The following CA12 variants were observed in gnomAD, a reference collection of about 807,000 sequenced individuals.
CA12 encodes the protein carbonic anhydrase 12.
Under a neutral mutation model 46.8 loss-of-function variants are expected in CA12, and 36 were observed. That is an observed-to-expected ratio of 0.77 (90% CI 0.59 to 1.02). CA12 has a LOEUF of 1.02. CA12 is among the 50% of genes least tolerant of loss of function. CA12 has a pLI of 0.00. For synonymous variants in CA12, 202 were observed against 187.0 expected, an observed-to-expected ratio of 1.08 and a Z score of -0.65; for missense variants, 436 against 451.4, an observed-to-expected ratio of 0.97 and a Z score of 0.31.
At position 63,338,868 on chromosome 15, in the gene CA12, C is replaced by G; in HGVS notation, c.825G>C (p.Arg275=). 1 of 1,614,198 alleles carries G rather than the reference C, an allele frequency of 6.2e-7. No individual in the cohort carries two copies. Residue 275 remains arginine (R), a synonymous_variant, in exon 8 of 11, where the codon CGG becomes CGC. Transcript: ENST00000178638. The stretch of plus-strand genomic sequence containing the variant: ...GCCTCTCATCGAACTTCTGGACCTG[C>G]CGGAAGTTGTTGATCATTTCTCTGG... ...PSPREMINNF[R]QVQKFDERLV...
rs1220127213 is a variant in CA12 at position 63,325,076 on chromosome 15, T to C, written c.*1209A>G. ...AAGAATATGGAGTATCTTAGTAGCA[T>C]TCCATTATTACTTGCCCCTAAATAC... is the stretch of plus-strand genomic sequence containing the variant. On this transcript the variant is annotated 3_prime_UTR_variant, in exon 11 of 11. Transcript: ENST00000178638. This position sits in a 1 kb window ranked among gnomAD's most constrained non-coding sequence, Gnocchi z 4.9. 1 of 152,178 alleles carries C rather than the reference T, an allele frequency of 6.6e-6. No individual in the cohort carries two copies. The highest frequency in any genetic ancestry group is 1.5e-5 in the Non-Finnish European group (1 of 68,044). The allele number at this position is 152,178 out of a possible 1,614,324, so 9.4% of individuals were successfully genotyped here.
intron 8 of CA12, among the ~76,000 whole-genome samples, chr15:63,336,371 G>A (rs1440007508): frequency 6.6e-6 from 1 of 152,074 alleles, no homozygotes. Flanking sequence ...ACAAGCGGGG[G>A]TTACTTTTGG....
At chr15:63,364,332 GAAAAAAAAAA>G (rs34673043) in intron 2 of CA12, among the ~76,000 whole-genome samples, 5 of 56,138 alleles carry the variant, frequency 8.9e-5, no homozygotes, top group South Asian at 1.1e-3. Context: ...CCCGTCACTA[GAAAAAAAAAA>G]AAAAAAAAAA....
chr15:63,379,804 C>G (rs1182390488), intron 1 of CA12, among the ~76,000 whole-genome samples: 1 of 152,220 alleles, frequency 6.6e-6, no homozygotes, highest in Non-Finnish European at 1.5e-5. Flanking sequence ...GCTCTCCACA[C>G]CAGGTTTGGG....
At position 63,323,857 on chromosome 15, in the gene CA12, A is replaced by G. The variant is rs1360036531; in HGVS notation, c.*2428T>C. 1 of 152,262 alleles carries G rather than the reference A, an allele frequency of 6.6e-6. No homozygotes were observed. The highest frequency in any genetic ancestry group is 1.5e-5 in the Non-Finnish European group (1 of 68,048). The allele number at this position is 152,262 out of a possible 1,614,324, so 9.4% of individuals were successfully genotyped here. A position where few individuals can be genotyped will look rare whatever the true frequency, so the allele number is the denominator to read the frequency against. On this transcript the variant is annotated 3_prime_UTR_variant, in exon 11 of 11. Transcript: ENST00000178638. This position sits in a 1 kb window ranked among gnomAD's most constrained non-coding sequence, Gnocchi z 5.1. Reference sequence around the variant, plus strand: ...ATGATACTAACTAAACAAACAGAACAAAGAAAGAGATTCAAGATCTCACAT... The same window carrying G: ...ATGATACTAACTAAACAAACAGAACGAAGAAAGAGATTCAAGATCTCACAT...
At chr15:63,376,566 C>CT (rs780641458) in intron 1 of CA12, among the ~76,000 whole-genome samples, 73 of 108,710 alleles carry the variant, frequency 6.7e-4, no homozygotes, top group Admixed American at 3.8e-3. Context: ...TCCTTTCTTT[C>CT]TTTCTTTCTT....
Position 63,339,036 on chromosome 15 carries a change from G to T in CA12, c.748-91C>A. On this transcript the variant is annotated intron_variant, in intron 7 of 10. Transcript: ENST00000178638. The surrounding 1 kb of genome is among the most constrained non-coding windows in gnomAD (Gnocchi z 4.3). ...GCTAGCTCTCCGCTCTTGCACCTGGGAGAAGCCTCTGGAACCAGCTTCTGT... is the reference window on the plus strand; with the variant it reads ...GCTAGCTCTCCGCTCTTGCACCTGGTAGAAGCCTCTGGAACCAGCTTCTGT... The T allele has an allele frequency of 3.9e-6, 6 of 1,536,530 alleles. No individual in the cohort carries two copies. Among genetic ancestry groups the T allele is most frequent in the Non-Finnish European group, 4.4e-6 (5 of 1,125,916 alleles).
chr15:63,355,705 T>C lies in CA12; in HGVS notation c.107-8996A>G, dbSNP rs2039286341. Among the ~76,000 whole-genome samples the C allele has an allele frequency of 6.6e-6, 1 of 152,118 alleles. No homozygotes were observed. The highest frequency in any genetic ancestry group is 2.4e-5 in the African/African-American group (1 of 41,350). ...TAAGTTAAACAAACTGCTGACATGC[T>C]AACAACCTAACCCCTATCATGAAAA... On this transcript the variant is annotated intron_variant, in intron 2 of 10. Coordinates refer to ENST00000178638, the MANE Select transcript of CA12 (RefSeq NM_001218.5). The surrounding 1 kb of genome is among the most constrained non-coding windows in gnomAD (Gnocchi z 4.1).
Position 63,345,566 on chromosome 15 carries a change from T to C in CA12, c.340A>G (p.Ser114Gly), listed in dbSNP as rs1370715336. Residue 114 changes from serine to glycine, a missense_variant, in exon 4 of 11, where the codon AGT becomes GGT. Ser to Gly is a moderately conservative substitution (Grantham distance 56). Coordinates refer to ENST00000178638, the MANE Select transcript of CA12 (RefSeq NM_001218.5). The surrounding 1 kb of genome is among the most constrained non-coding windows in gnomAD (Gnocchi z 4.3). ...CAGTGCAGGTGCAGCTGCGTGGCAC[T>C]GTAGCGAGACTGGAGGCCCTGGATG... ...MHIQGLQSRY[S>G]ATQLHLHWGN... The C allele has an allele frequency of 1.9e-6, 3 of 1,613,464 alleles. No individual in the cohort carries two copies. The African/African-American group carries it at 4.0e-5, about 22-fold the overall frequency.
Position 63,325,234 on chromosome 15 carries a change from C to T in CA12, c.*1051G>A, listed in dbSNP as rs1489100254. 3 of 152,148 alleles carry T rather than the reference C, an allele frequency of 2.0e-5. No individual in the cohort carries two copies. The allele number at this position is 152,148 out of a possible 1,614,324, so 9.4% of individuals were successfully genotyped here. A position where few individuals can be genotyped will look rare whatever the true frequency, so the allele number is the denominator to read the frequency against. On this transcript the variant is annotated 3_prime_UTR_variant, in exon 11 of 11. Transcript: ENST00000178638. This position sits in a 1 kb window ranked among gnomAD's most constrained non-coding sequence, Gnocchi z 4.9. The stretch of plus-strand genomic sequence containing the variant: ...TCCATTCCAGGTTGGCAGTAGGGAT[C>T]CTGCAGAAGTGGCTGAAATGAAATT...
In CA12 at chr15:63,381,713, C is replaced by CG. The variant is rs1406678192; in HGVS notation, c.7dup (p.Arg3ProfsTer36). ...CACGGCCGCCGCGTGCAGGCTGCGCCGGGGCATCTTCGCGGGCTCCTGCGG... is the reference window on the plus strand; with the variant it reads ...CACGGCCGCCGCGTGCAGGCTGCGCCGGGGGCATCTTCGCGGGCTCCTGCGG... On this transcript the variant is annotated frameshift_variant, in exon 1 of 11. Coordinates refer to ENST00000178638, the MANE Select transcript of CA12 (RefSeq NM_001218.5). LOFTEE classifies it high-confidence loss of function. The CG allele has an allele frequency of 9.4e-6, 15 of 1,602,518 alleles. No individual in the cohort carries two copies. The highest frequency in any genetic ancestry group is 1.3e-5 in the Non-Finnish European group (15 of 1,174,704).
intron 4 of CA12, among the ~76,000 whole-genome samples, chr15:63,342,761 A>C (rs2039098494): frequency 6.6e-6 from 1 of 152,090 alleles, no homozygotes; most frequent in Non-Finnish European, 1.5e-5. Context: ...CTTAGAATTT[A>C]TTTTTGGTTT....
At chr15:63,350,924 T>C (rs925452115) in intron 2 of CA12, among the ~76,000 whole-genome samples, 6 of 152,306 alleles carry the variant, frequency 3.9e-5, no homozygotes, top group Middle Eastern at 3.4e-3. Flanking sequence ...TCTGTATATA[T>C]TTCATATGTT....
Position 63,330,374 on chromosome 15 carries a change from C to T in CA12, c.875-2244G>A, listed in dbSNP as rs748558364. ...TCTTAAAAAAACAAACATAATAAAC[C>T]TAGCCATGGTTTTTCTTCCCAACCC... On this transcript the variant is annotated intron_variant, in intron 8 of 10. Transcript: ENST00000178638. This position sits in a 1 kb window ranked among gnomAD's most constrained non-coding sequence, Gnocchi z 4.0. Among the ~76,000 whole-genome samples, 2 of 152,218 alleles carry T rather than the reference C, an allele frequency of 1.3e-5. No individual in the cohort carries two copies. The highest frequency in any genetic ancestry group is 2.4e-5 in the African/African-American group (1 of 41,458).
chr15:63,326,458 A>T, intron 10 of CA12, 101 bp from the exon 11 acceptor site: 2 of 912,166 alleles, frequency 2.2e-6, no homozygotes, highest in Non-Finnish European at 3.6e-6. Context: ...TAAAAGTTGG[A>T]TTCCTCTCTT....
In CA12 at chr15:63,322,552, AG is replaced by A. The variant is rs1045597301; in HGVS notation, c.*3732del. 1.3e-5 allele frequency: 2 copies of A among 152,160 alleles called. No homozygotes were observed. The highest frequency in any genetic ancestry group is 4.8e-5 in the African/African-American group (2 of 41,422). 9.4% of individuals were successfully genotyped at this position (152,160 alleles called of 1,614,324 possible). Reference sequence around the variant, plus strand: ...GATGAGGTGATGGCCATCCTAAAGGAGGGCCTGAGTTCCCTCTGCCGACCTA... The same window carrying A: ...GATGAGGTGATGGCCATCCTAAAGGAGGCCTGAGTTCCCTCTGCCGACCTA... On this transcript the variant is annotated 3_prime_UTR_variant, in exon 11 of 11. Transcript: ENST00000178638. This position sits in a 1 kb window ranked among gnomAD's most constrained non-coding sequence, Gnocchi z 4.1.
chr15:63,340,306 C>T lies in CA12; in HGVS notation c.729G>A (p.Val243=), dbSNP rs369662487. 8 of 1,614,024 alleles carry T rather than the reference C, an allele frequency of 5.0e-6. No homozygotes were observed. Among genetic ancestry groups the T allele is most frequent in the Non-Finnish European group, 6.8e-6 (8 of 1,180,032 alleles). The change falls in exon 7 of 11, where the codon GTG becomes GTA. Residue 243 remains valine (V), a synonymous_variant. Coordinates refer to ENST00000178638, the MANE Select transcript of CA12 (RefSeq NM_001218.5). The surrounding 1 kb of genome is among the most constrained non-coding windows in gnomAD (Gnocchi z 4.4). ...CAGTTACCTGCTCCTGGGAAATTTG[C>T]ACGGGGTTTCGGAAAACTGTCCAGA... is the stretch of plus-strand genomic sequence containing the variant. ...TVLWTVFRNP[V]QISQEQLLAL...
At chr15:63,379,433 G>C (rs1456882666) in intron 1 of CA12, among the ~76,000 whole-genome samples, 1 of 152,282 alleles carries the variant, frequency 6.6e-6, no homozygotes, top group South Asian at 2.1e-4. Flanking sequence ...TGCACCCCCT[G>C]GTTCCCCACT....
At chr15:63,361,948 C>T (rs1172693941) in intron 2 of CA12, among the ~76,000 whole-genome samples, 1 of 152,182 alleles carries the variant, frequency 6.6e-6, no homozygotes, top group African/African-American at 2.4e-5. Context: ...GGCTTCTTTC[C>T]CTTTTCTTTG....
Sources: gnomAD v4.1 joint callset for allele counts (sites outside exome capture counted in the v4.1 genomes callset) on GRCh38, gnomAD v4.1.1 for gene constraint, Gnocchi (gnomAD v3.1) non-coding constraint, MANE v1.5 for transcripts, NCBI Gene and HGNC (gene_info 2026-07-23, HGNC 2026-07-21) for gene names.